The following HEMK2 variants were observed in gnomAD, a reference collection of about 807,000 sequenced individuals.
The protein encoded by HEMK2 is methyltransferase HEMK2.
At chr21:28,775,140 A>ATTTTGCCACCCTCTTGTTT in the HEMK2 span, among the ~76,000 whole-genome samples, 2 of 152,244 alleles carry the variant, frequency 1.3e-5, no homozygotes, top group Non-Finnish European at 2.9e-5. Context: ...AGATAATCTT[A>ATTTTGCCACCCTCTTGTTT]TGCCACCCTC....
chr21:28,683,150 G>A, the HEMK2 span, among the ~76,000 whole-genome samples: 1 of 151,152 alleles, frequency 6.6e-6, no homozygotes, highest in African/African-American at 2.4e-5. Flanking sequence ...TTTTAAAGGG[G>A]ATTTATTTCA....
the HEMK2 span, among the ~76,000 whole-genome samples, chr21:28,631,955 C>T: frequency 1.3e-5 from 2 of 152,174 alleles, no homozygotes; most frequent in Non-Finnish European, 2.9e-5. Flanking sequence ...CATCAGCAGG[C>T]TTATGAACAA....
the HEMK2 span, among the ~76,000 whole-genome samples, chr21:28,700,314 C>T: frequency 1.3e-5 from 2 of 152,108 alleles, no homozygotes; most frequent in Non-Finnish European, 2.9e-5. Flanking sequence ...CAGAAGAACA[C>T]GTTTCCATTT....
At chr21:28,784,078 C>T in the HEMK2 span, among the ~76,000 whole-genome samples, 6 of 152,328 alleles carry the variant, frequency 3.9e-5, no homozygotes, top group Non-Finnish European at 8.8e-5. Flanking sequence ...GCCTCCCCGA[C>T]GAGCGCCATC....
the HEMK2 span, among the ~76,000 whole-genome samples, chr21:28,807,575 C>T: frequency 6.6e-6 from 1 of 152,172 alleles, no homozygotes; most frequent in Non-Finnish European, 1.5e-5. Flanking sequence ...TACCCCCACT[C>T]CACTGACCAG....
chr21:28,609,946 A>G, the HEMK2 span, among the ~76,000 whole-genome samples: 2 of 152,220 alleles, frequency 1.3e-5, no homozygotes, highest in African/African-American at 4.8e-5. Context: ...GGTGTTCCTG[A>G]GGGAGAAGAG....
the HEMK2 span, among the ~76,000 whole-genome samples, chr21:28,694,802 T>C: frequency 6.6e-6 from 1 of 152,004 alleles, no homozygotes; most frequent in African/African-American, 2.4e-5. Context: ...ATCAAGGCCA[T>C]CCTAGCTAAC....
At chr21:28,671,087 A>C in the HEMK2 span, 1 of 152,198 alleles carries the variant, frequency 6.6e-6, no homozygotes, top group Admixed American at 6.5e-5. Context: ...TCTTGCTATG[A>C]AGAAGAAAGA....
At chr21:28,878,299 C>T in the HEMK2 span, 1 of 1,613,262 alleles carries the variant, frequency 6.2e-7, no homozygotes, top group Non-Finnish European at 8.5e-7. Context: ...ATTTCTGCCA[C>T]CAGCCCAAGC....
chr21:28,647,345 AAC>A, the HEMK2 span, among the ~76,000 whole-genome samples: 279 of 95,338 alleles, frequency 2.9e-3, 2 homozygotes, highest in African/African-American at 0.021. Flanking sequence ...AAAAAAAAAA[AAC>A]ATACAAAAAA....
chr21:28,811,393 G>T, the HEMK2 span, among the ~76,000 whole-genome samples: 1 of 105,880 alleles, frequency 9.4e-6, no homozygotes, highest in African/African-American at 4.5e-5. Context: ...GAAGGAAGGA[G>T]AAACAGAGAA....
the HEMK2 span, among the ~76,000 whole-genome samples, chr21:28,717,568 C>T: frequency 1.3e-5 from 2 of 150,412 alleles, no homozygotes; most frequent in South Asian, 2.1e-4. Context: ...CAACATCCGC[C>T]TCCTGGGTTC....
chr21:28,629,945 ATTATT>A, the HEMK2 span, among the ~76,000 whole-genome samples: 4 of 149,028 alleles, frequency 2.7e-5, no homozygotes, highest in East Asian at 9.0e-4. Flanking sequence ...TTTTTGATAT[ATTATT>A]TTATTTAACT....
At chr21:28,616,781 G>A in the HEMK2 span, among the ~76,000 whole-genome samples, 2 of 152,108 alleles carry the variant, frequency 1.3e-5, no homozygotes, top group Admixed American at 1.3e-4. Flanking sequence ...TTTCTCATTT[G>A]TGGATGGATT....
At chr21:28,869,036 G>C in the HEMK2 span, among the ~76,000 whole-genome samples, 1 of 151,668 alleles carries the variant, frequency 6.6e-6, no homozygotes, top group Admixed American at 6.6e-5. Flanking sequence ...AATAGGAGTG[G>C]TAATAGGTGG....
the HEMK2 span, among the ~76,000 whole-genome samples, chr21:28,631,866 T>C: frequency 6.6e-6 from 1 of 152,158 alleles, no homozygotes; most frequent in Non-Finnish European, 1.5e-5. Flanking sequence ...ACAGTTGCCC[T>C]GTCCACATAC....
the HEMK2 span, among the ~76,000 whole-genome samples, chr21:28,806,659 A>T: frequency 5.3e-5 from 8 of 152,194 alleles, no homozygotes; most frequent in African/African-American, 1.7e-4. Context: ...AAATAAAATT[A>T]AAAAGGGAAA....
At chr21:28,862,751 C>T in the HEMK2 span, among the ~76,000 whole-genome samples, 1 of 152,084 alleles carries the variant, frequency 6.6e-6, no homozygotes, top group Non-Finnish European at 1.5e-5. Context: ...TTGTTAAAAA[C>T]ATGTTTTTGC....
the HEMK2 span, among the ~76,000 whole-genome samples, chr21:28,793,483 A>G: frequency 6.6e-6 from 1 of 152,182 alleles, no homozygotes; most frequent in Non-Finnish European, 1.5e-5. Flanking sequence ...CTGTCAAATA[A>G]GTGTGTTTTA....
Sources: gnomAD v4.1 joint callset for allele counts (sites outside exome capture counted in the v4.1 genomes callset) on GRCh38, gnomAD v4.1.1 for gene constraint, MANE v1.5 for transcripts, NCBI Gene and HGNC (gene_info 2026-07-23, HGNC 2026-07-21) for gene names.